The following OPCML variants were observed in gnomAD, a reference collection of about 807,000 sequenced individuals.
OPCML encodes opioid-binding protein/cell adhesion molecule.
Under a neutral mutation model 37.8 loss-of-function variants are expected in OPCML, and 13 were observed. The ratio of observed to expected loss-of-function variants is 0.34; its 90% CI spans 0.22 to 0.55. The LOEUF (loss-of-function observed/expected upper bound fraction) is 0.55. Ranked by LOEUF, OPCML falls within the 20% of genes least tolerant of loss-of-function variation. OPCML has a pLI of 0.91. For missense variants in OPCML, 341 were observed against 435.6 expected, an observed-to-expected ratio of 0.78 and a Z score of 1.93; for synonymous variants, 176 against 168.8, an observed-to-expected ratio of 1.04 and a Z score of -0.33.
chr11:133,430,609 T>C (rs995909928), intron 1 of OPCML, among the ~76,000 whole-genome samples: 5 of 152,142 alleles, frequency 3.3e-5, no homozygotes, highest in Admixed American at 3.3e-4. Context: ...ATAAAAGTCA[T>C]ACATATTTGA....
At chr11:132,459,795 T>TA (rs1301641161) in intron 4 of OPCML, among the ~76,000 whole-genome samples, 1 of 152,176 alleles carries the variant, frequency 6.6e-6, no homozygotes, top group African/African-American at 2.4e-5. Context: ...GAAATGTCTT[T>TA]AGGCACTGGG....
chr11:133,111,749 T>C (rs1949256378), intron 1 of OPCML, among the ~76,000 whole-genome samples: 1 of 152,180 alleles, frequency 6.6e-6, no homozygotes, highest in Non-Finnish European at 1.5e-5. Context: ...TGTTTTGTTT[T>C]GTTGTTTGTA....
At chr11:133,247,527 T>TTTCC (rs1269169219) in intron 1 of OPCML, among the ~76,000 whole-genome samples, 18 of 150,362 alleles carry the variant, frequency 1.2e-4, no homozygotes, top group African/African-American at 4.2e-4. Context: ...TTTTTCTTTC[T>TTTCC]TTCTTTCCTT....
intron 4 of OPCML, among the ~76,000 whole-genome samples, chr11:132,487,056 A>G (rs972714505): frequency 2.0e-5 from 3 of 152,218 alleles, no homozygotes; most frequent in African/African-American, 7.2e-5. Flanking sequence ...CAACTTTGCC[A>G]TAAACCAAAA....
intron 1 of OPCML, among the ~76,000 whole-genome samples, chr11:133,049,546 C>G (rs563693560): frequency 2.0e-5 from 3 of 152,250 alleles, no homozygotes; most frequent in Admixed American, 6.5e-5. Context: ...GTTAAAAAAT[C>G]CAAAGCAAAG....
rs370001632 is a variant in OPCML, at chr11:132,835,960, C to T, written c.146+106966G>A. On this transcript the variant is annotated intron_variant, in intron 2 of 7. Transcript: ENST00000524381. Reference sequence around the variant, plus strand: ...ATATCCATTTTTGTTGTTGTTGTTTCATGTTCTCTATCCTTTGGTTTGGAA... The same window carrying T: ...ATATCCATTTTTGTTGTTGTTGTTTTATGTTCTCTATCCTTTGGTTTGGAA... Among the ~76,000 whole-genome samples the T allele has an allele frequency of 1.5e-4, 23 of 152,234 alleles. No individual in the cohort carries two copies. The East Asian group carries it at 2.5e-3, about 17-fold the overall frequency.
intron 2 of OPCML, among the ~76,000 whole-genome samples, chr11:132,814,420 CA>C (rs1418428218): frequency 6.6e-6 from 1 of 152,106 alleles, no homozygotes; most frequent in Non-Finnish European, 1.5e-5. Flanking sequence ...TTAGGGGAGC[CA>C]ATGATGTAAA....
intron 2 of OPCML, among the ~76,000 whole-genome samples, chr11:132,735,676 G>A (rs776177500): frequency 2.6e-5 from 4 of 152,022 alleles, no homozygotes; most frequent in Non-Finnish European, 5.9e-5. Flanking sequence ...GTAGAGACGC[G>A]GTTTCACTAT....
chr11:132,561,836 T>G (rs1260917775), intron 3 of OPCML, among the ~76,000 whole-genome samples: 1 of 152,226 alleles, frequency 6.6e-6, no homozygotes, highest in Non-Finnish European at 1.5e-5. Flanking sequence ...ACATTAATGT[T>G]TAAACCAAAT....
intron 4 of OPCML, among the ~76,000 whole-genome samples, chr11:132,437,707 G>T (rs1159871325): frequency 3.3e-5 from 5 of 152,116 alleles, no homozygotes; most frequent in Non-Finnish European, 7.4e-5. Context: ...ATTTTAAAAA[G>T]AACTGTCATG....
chr11:132,835,601 T>A (rs554983532), intron 2 of OPCML, among the ~76,000 whole-genome samples: 24 of 152,318 alleles, frequency 1.6e-4, no homozygotes, highest in South Asian at 1.4e-3. Context: ...GTCATCTGTC[T>A]CTACCCCCAA....
rs181302724 is a variant in OPCML at position 133,006,460 on chromosome 11, C to T, written c.62-63450G>A. The T allele has an allele frequency of 1.0e-5, 10 of 985,382 alleles. No individual in the cohort carries two copies. In the Admixed American group the frequency reaches 4.9e-4, roughly 48 times the overall value. 61.0% of individuals were successfully genotyped at this position (985,382 alleles called of 1,614,324 possible). ...CTGGAAGACCTTGAATAAGTGAGCT[C>T]TTTAAAGGATCAAGAAAGAAAGTTT... On this transcript the variant is annotated intron_variant, in intron 1 of 7. Coordinates refer to ENST00000524381, the MANE Select transcript of OPCML (RefSeq NM_001012393.5).
At chr11:132,664,036 G>A (rs557232258) in intron 2 of OPCML, among the ~76,000 whole-genome samples, 20 of 152,150 alleles carry the variant, frequency 1.3e-4, no homozygotes, top group Middle Eastern at 3.4e-3. Context: ...GTTTCACTGC[G>A]TTAGCCAGGA....
At chr11:133,125,198 G>C (rs1187897800) in intron 1 of OPCML, among the ~76,000 whole-genome samples, 1 of 152,080 alleles carries the variant, frequency 6.6e-6, no homozygotes, top group African/African-American at 2.4e-5. Context: ...CCAGGAAGTT[G>C]AGGAGGTCAC....
chr11:132,865,183 T>C (rs1046094123), intron 2 of OPCML, among the ~76,000 whole-genome samples: 2 of 152,212 alleles, frequency 1.3e-5, no homozygotes, highest in African/African-American at 4.8e-5. Context: ...CACACACACA[T>C]ACGCGCGCAC....
chr11:132,524,180 G>A (rs1380560797), intron 4 of OPCML, among the ~76,000 whole-genome samples: 1 of 152,170 alleles, frequency 6.6e-6, no homozygotes, highest in Non-Finnish European at 1.5e-5. Flanking sequence ...TTACTCATGT[G>A]CCTAGAAGAG....
At chr11:133,441,613 TTTTG>T (rs1308528534) in intron 1 of OPCML, among the ~76,000 whole-genome samples, 3 of 152,190 alleles carry the variant, frequency 2.0e-5, no homozygotes, top group Non-Finnish European at 4.4e-5. Flanking sequence ...ATTGTTGTGT[TTTTG>T]TTTGTTTGTT....
chr11:132,425,283 C>T (rs1001000904), intron 7 of OPCML, among the ~76,000 whole-genome samples: 1 of 151,980 alleles, frequency 6.6e-6, no homozygotes, highest in African/African-American at 2.4e-5. Context: ...TTTTTTAAAC[C>T]ATCAGAGATT....
Position 132,955,986 on chromosome 11 carries a change from A to C in OPCML, c.62-12976T>G, listed in dbSNP as rs11223295. ...ATTCCTGGCATATAGTAGGTTTCCA[A>C]TCAATATTTATTCAATTAATAATAA... On this transcript the variant is annotated intron_variant, in intron 1 of 7. Transcript: ENST00000524381. 1.4e-3 allele frequency among the ~76,000 whole-genome samples: 208 copies of C among 152,352 alleles called. 3 individuals are homozygous for C. The East Asian group carries it at 0.033, about 24-fold the overall frequency.
Sources: gnomAD v4.1 joint callset for allele counts (sites outside exome capture counted in the v4.1 genomes callset) on GRCh38, gnomAD v4.1.1 for gene constraint, MANE v1.5 for transcripts, NCBI Gene and HGNC (gene_info 2026-07-23, HGNC 2026-07-21) for gene names.